Variants in IRX2 observed in about 807,000 individuals in gnomAD.
The protein encoded by IRX2 is iroquois-class homeodomain protein IRX-2.
A neutral mutation model predicts 42.9 loss-of-function variants in IRX2; 26 were observed. That is an observed-to-expected ratio of 0.61 (90% CI 0.44 to 0.84). The LOEUF (loss-of-function observed/expected upper bound fraction) is 0.84, where lower values mean the gene tolerates loss of function less well. IRX2 is among the 40% of genes least tolerant of loss of function. The pLI is 0.00. For synonymous variants in IRX2, 424 were observed against 353.9 expected (o/e 1.20, Z -2.22); for missense variants, 782 against 713.9 (o/e 1.10, Z -1.09).
Position 2,748,896 on chromosome 5 carries a change from T to C in IRX2, c.812A>G (p.Glu271Gly). ...CGGCGCCAGGCCCCGCTCGCCCTCC[T>C]CGTCGTCGTCCTCGTCGTCCTCCAG... ...DDLEDDEDDD[E>G]EGERGLAPPK... Residue 271 changes from glutamate to glycine, a missense_variant, in exon 3 of 4, where the codon GAG (glutamate) becomes GGG (glycine). Coordinates refer to ENST00000302057, the MANE Select transcript of IRX2 (RefSeq NM_033267.5). The C allele has an allele frequency of 6.3e-7, 1 of 1,595,862 alleles. No individual in the cohort carries two copies. Among genetic ancestry groups the C allele is most frequent in the African/African-American group, 1.3e-5 (1 of 74,736 alleles).
rs1737687896 is a variant in IRX2, at chr5:2,746,936, T to A, written c.*628A>T. 1 of 152,484 alleles carries A rather than the reference T, an allele frequency of 6.6e-6. No homozygotes were observed. The highest frequency in any genetic ancestry group is 2.1e-4 in the South Asian group (1 of 4,830). 9.4% of individuals were successfully genotyped at this position (152,484 alleles called of 1,614,324 possible). A position where few individuals can be genotyped will look rare whatever the true frequency, so the allele number is the denominator to read the frequency against. ...TTCTGACTCGTTGCAAAGCAACATATTTTTTGAGATACTGTTGTGAGCCCC... is the reference window on the plus strand; with the variant it reads ...TTCTGACTCGTTGCAAAGCAACATAATTTTTGAGATACTGTTGTGAGCCCC... On this transcript the variant is annotated 3_prime_UTR_variant, in exon 4 of 4. Transcript: ENST00000302057.
At position 2,748,839 on chromosome 5, in the gene IRX2, C is replaced by A; in HGVS notation, c.869G>T (p.Gly290Val). ...GGGGCTCAGCAGCGGCGCCTCCAAG[C>A]CGGTAAGCGGCGACGAGGTCACGGG... ...PKPVTSSPLT[G>V]LEAPLLSPPP... Residue 290 changes from glycine to valine, a missense_variant, in exon 3 of 4, where the codon GGC (glycine) becomes GTC (valine). Gly to Val is a moderately radical substitution (Grantham distance 109). This residue lies in a region of IRX2 where 520 missense variants were observed against 437.8 expected (regional missense o/e 1.19). Coordinates refer to ENST00000302057, the MANE Select transcript of IRX2 (RefSeq NM_033267.5). The A allele has an allele frequency of 1.9e-6, 3 of 1,567,612 alleles. No homozygotes were observed. The highest frequency in any genetic ancestry group is 2.6e-6 in the Non-Finnish European group (3 of 1,167,134).
chr5:2,749,077 T>C (rs1297534586), intron 2 of IRX2, 25 bp from the exon 3 acceptor site: 2 of 1,591,346 alleles, frequency 1.3e-6, no homozygotes, highest in Non-Finnish European at 1.7e-6. Flanking sequence ...GCACGGTGGG[T>C]GGCACGAGGG....
At chr5:2,738,432 C>A in the IRX2 span, among the ~76,000 whole-genome samples, 1 of 152,184 alleles carries the variant, frequency 6.6e-6, no homozygotes, top group Non-Finnish European at 1.5e-5. Flanking sequence ...CCTGGACGGG[C>A]CATGGCCTCC....
intron 2 of IRX2, 23 bp from the exon 3 acceptor site, chr5:2,749,075 G>A (rs1165054116): frequency 1.9e-6 from 3 of 1,591,354 alleles, no homozygotes; most frequent in African/African-American, 2.7e-5. Context: ...GGGCACGGTG[G>A]GTGGCACGAG....
At position 2,749,193 on chromosome 5, in the gene IRX2, C is replaced by A. The variant is rs541303793; in HGVS notation, c.656-141G>T. The A allele has an allele frequency of 4.5e-4, 663 of 1,464,174 alleles. 1 individual carries two copies. In the African/African-American group the frequency reaches 7.9e-3, roughly 18 times the overall value. 90.7% of individuals were successfully genotyped at this position (1,464,174 alleles called of 1,614,324 possible). ...CCACCCGGCCACGTGACAGGCGGAG[C>A]CTGACCTCCCCGGGAAGGGCCCGAG... On this transcript the variant is annotated intron_variant, in intron 2 of 3. Transcript: ENST00000302057.
chr5:2,741,105 G>C (rs1000194321), downstream of IRX2, among the ~76,000 whole-genome samples: 15 of 152,250 alleles, frequency 9.9e-5, no homozygotes, highest in Non-Finnish European at 2.1e-4. Flanking sequence ...GCCTCAGGCC[G>C]AGCCGGACCG....
downstream of IRX2, among the ~76,000 whole-genome samples, chr5:2,744,866 C>A (rs943823818): frequency 6.6e-6 from 1 of 152,230 alleles, no homozygotes; most frequent in African/African-American, 2.4e-5. Context: ...CACAGTCAAA[C>A]CACAATCACT....
chr5:2,750,500 G>A (rs971893077), intron 1 of IRX2, among the ~76,000 whole-genome samples: 1 of 152,212 alleles, frequency 6.6e-6, no homozygotes, highest in Non-Finnish European at 1.5e-5. Context: ...AGACTCGCGA[G>A]CCGCCCCCAG....
the IRX2 span, among the ~76,000 whole-genome samples, chr5:2,738,259 G>A: frequency 2.6e-5 from 4 of 152,244 alleles, no homozygotes; most frequent in African/African-American, 7.2e-5. Flanking sequence ...GCCCCCTCCC[G>A]GTCACAGGCC....
At chr5:2,746,164 A>G (rs888567710), downstream of IRX2, 5 of 152,140 alleles carry the variant, frequency 3.3e-5, no homozygotes, top group Admixed American at 2.0e-4. Context: ...CAAACATCAT[A>G]TTATTGTAGA....
In IRX2 at chr5:2,747,511, G is replaced by T; in HGVS notation, c.*53C>A. The T allele has an allele frequency of 6.5e-7, 1 of 1,530,600 alleles. No individual in the cohort carries two copies. The highest frequency in any genetic ancestry group is 9.1e-7 in the Non-Finnish European group (1 of 1,104,844). 94.8% of individuals were successfully genotyped at this position (1,530,600 alleles called of 1,614,324 possible). On this transcript the variant is annotated 3_prime_UTR_variant, in exon 4 of 4. Transcript: ENST00000302057. ...AAGTTGGTGCTGGGAGGCTCCACAG[G>T]GTCTGGGAAGCACCAGGGTGCCCAC...
rs1411196868 is a variant in IRX2 at position 2,751,289 on chromosome 5, C to T, written c.125G>A (p.Gly42Asp). The T allele has an allele frequency of 7.0e-7, 1 of 1,431,788 alleles. No homozygotes were observed. The highest frequency in any genetic ancestry group is 1.3e-5 in the South Asian group (1 of 75,010). The allele number at this position is 1,431,788 out of a possible 1,614,324, so 88.7% of individuals were successfully genotyped here. Reference protein sequence around the residue: ...RSEELARSASGSAFSPYPGSA... With the variant: ...RSEELARSASDSAFSPYPGSA... ...GCCCGGGTAGGGGCTGAACGCCGAGCCCGACGCCGAGCGCGCCAGCTCCTC... is the reference window on the plus strand; with the variant it reads ...GCCCGGGTAGGGGCTGAACGCCGAGTCCGACGCCGAGCGCGCCAGCTCCTC... Residue 42 changes from glycine (G) to aspartate (D), a missense_variant, in exon 1 of 4, where the codon GGC (glycine) becomes GAC (aspartate). Gly to Asp is a moderately conservative substitution (Grantham distance 94, BLOSUM62 -1). This residue lies in a region of IRX2 where 256 missense variants were observed against 250.0 expected (regional missense o/e 1.02). Transcript: ENST00000302057. This position sits in a 1 kb window ranked among gnomAD's most constrained non-coding sequence, Gnocchi z 4.0.
chr5:2,748,868 G>A lies in IRX2; in HGVS notation c.840C>T (p.Pro280=). 6.3e-6 allele frequency: 10 copies of A among 1,593,062 alleles called. No individual in the cohort carries two copies. The highest frequency in any genetic ancestry group is 8.5e-6 in the Non-Finnish European group (10 of 1,178,030). ...DEEGERGLAP[P]KPVTSSPLTG... is the part of the protein sequence containing the mutation. ...TAAGCGGCGACGAGGTCACGGGCTT[G>A]GGCGGCGCCAGGCCCCGCTCGCCCT... The change falls in exon 3 of 4, where the codon CCC becomes CCT. Residue 280 remains proline, a synonymous_variant. Coordinates refer to ENST00000302057, the MANE Select transcript of IRX2 (RefSeq NM_033267.5).
In IRX2 at chr5:2,748,658, C is replaced by T. The variant is rs1737786683; in HGVS notation, c.1050G>A (p.Gly350=). 1 of 1,380,752 alleles carries T rather than the reference C, an allele frequency of 7.2e-7. No individual in the cohort carries two copies. Among genetic ancestry groups the T allele is most frequent in the Admixed American group, 3.7e-5 (1 of 26,684 alleles). The allele number at this position is 1,380,752 out of a possible 1,614,324, so 85.5% of individuals were successfully genotyped here. A position where few individuals can be genotyped will look rare whatever the true frequency, so the allele number is the denominator to read the frequency against. Residue 350 remains glycine, a synonymous_variant, in exon 3 of 4, where the codon GGG becomes GGA. Transcript: ENST00000302057. ...CGGCGGCCGCGGGCAGCCCCGGTGG[C>T]CCGCAGCCCGGGCCCAGGCTCGGCT... ...LKQPSLGPGC[G]PPGLPAAAAP... is the part of the protein sequence containing the mutation.
At position 2,748,990 on chromosome 5, in the gene IRX2, T is replaced by A. The variant is rs1384376729; in HGVS notation, c.718A>T (p.Lys240Ter). ...HSCSAESDGE[K>*]LPCRAGDPLC... ...GGGTCCCCGGCGCGGCACGGAAGCT[T>A]CTCCCCGTCCGACTCGGCCGAGCAC... is the stretch of plus-strand genomic sequence containing the variant. The change falls in exon 3 of 4, where the codon AAG (lysine) becomes TAG (stop). Residue 240 changes from lysine (K) to a stop codon, truncating the protein, a stop_gained. Coordinates refer to ENST00000302057, the MANE Select transcript of IRX2 (RefSeq NM_033267.5). LOFTEE classifies it high-confidence loss of function. 1 of 1,597,324 alleles carries A rather than the reference T, an allele frequency of 6.3e-7. No homozygotes were observed. The highest frequency in any genetic ancestry group is 8.5e-7 in the Non-Finnish European group (1 of 1,179,428).
At chr5:2,750,050 G>A (rs1436443825) in intron 1 of IRX2, among the ~76,000 whole-genome samples, 1 of 152,228 alleles carries the variant, frequency 6.6e-6, no homozygotes, top group Middle Eastern at 3.4e-3. Flanking sequence ...TAAGTGTTCC[G>A]GAGCCGCTCG....
chr5:2,739,014 G>T, the IRX2 span, among the ~76,000 whole-genome samples: 2 of 152,192 alleles, frequency 1.3e-5, no homozygotes, highest in African/African-American at 4.8e-5. Flanking sequence ...CCTCCATCCC[G>T]GCCGCTGACT....
chr5:2,735,894 T>C, the IRX2 span, among the ~76,000 whole-genome samples: 1 of 152,192 alleles, frequency 6.6e-6, no homozygotes, highest in Non-Finnish European at 1.5e-5. Flanking sequence ...AAGCTACCTC[T>C]GAGTCTAGTT....
Sources: allele counts gnomAD v4.1 joint callset (sites outside exome capture counted in the v4.1 genomes callset), GRCh38; gene constraint gnomAD v4.1.1; regional missense constraint gnomAD v4.1.1; non-coding constraint Gnocchi (gnomAD v3.1); transcripts MANE v1.5; gene names NCBI Gene and HGNC (gene_info 2026-07-23, HGNC 2026-07-21).